CAST: variants seen among roughly 807,000 people sequenced by gnomAD.
CAST encodes calpastatin.
CAST carries 76 observed loss-of-function variants against 119.6 expected under a neutral mutation model. The observed-to-expected ratio is 0.64, with a 90% confidence interval of 0.53 to 0.77. The LOEUF (loss-of-function observed/expected upper bound fraction) is 0.77, where lower values mean the gene tolerates loss of function less well. Ranked by LOEUF, CAST falls within the 30% of genes least tolerant of loss-of-function variation. The pLI is 0.00. For synonymous variants in CAST, 319 were observed against 331.6 expected, an observed-to-expected ratio of 0.96 and a Z score of 0.41; for missense variants, 953 against 946.5, an observed-to-expected ratio of 1.01 and a Z score of -0.09.
chr5:96,197,640 G>A, the CAST span, among the ~76,000 whole-genome samples: 1 of 152,114 alleles, frequency 6.6e-6, no homozygotes, highest in Admixed American at 6.5e-5. Context: ...ATTGCTATGT[G>A]CCAAGCATTG....
At position 96,680,172 on chromosome 5, in the gene CAST, A is replaced by G. The variant is rs190290783; in HGVS notation, c.138+4571A>G. Among the ~76,000 whole-genome samples the G allele has an allele frequency of 9.2e-5, 14 of 151,370 alleles. No homozygotes were observed. In the East Asian group the frequency reaches 2.7e-3, roughly 29 times the overall value. On this transcript the variant is annotated intron_variant, in intron 2 of 31. Transcript: ENST00000675179. ...AAGACCAGCCTGGCCGATATGGTGA[A>G]ACCCCAACTCTACTAAAAATACAAA...
At chr5:96,449,534 G>A in the CAST span, among the ~76,000 whole-genome samples, 1 of 152,146 alleles carries the variant, frequency 6.6e-6, no homozygotes, top group Non-Finnish European at 1.5e-5. Flanking sequence ...ATTGGGAACC[G>A]CTGGTTTACA....
chr5:96,617,523 C>A (rs995070460), intron 1 of CAST, among the ~76,000 whole-genome samples: 2 of 152,010 alleles, frequency 1.3e-5, no homozygotes, highest in Non-Finnish European at 2.9e-5. Context: ...GGCACGGTGG[C>A]TCATGCCTGT....
At chr5:96,677,043 AAAAAGAAAAG>A (rs553788639) in intron 2 of CAST, among the ~76,000 whole-genome samples, 9 of 151,864 alleles carry the variant, frequency 5.9e-5, no homozygotes, top group Admixed American at 2.0e-4. Flanking sequence ...ACAAAAAAAA[AAAAAGAAAAG>A]AAAAGAAAAG....
At chr5:96,476,529 C>T in the CAST span, among the ~76,000 whole-genome samples, 2 of 152,164 alleles carry the variant, frequency 1.3e-5, no homozygotes, top group African/African-American at 4.8e-5. Context: ...AGAACAACAT[C>T]ACTCTTTGAC....
chr5:96,500,297 T>C, the CAST span, among the ~76,000 whole-genome samples: 5 of 152,230 alleles, frequency 3.3e-5, no homozygotes, highest in Non-Finnish European at 7.3e-5. Flanking sequence ...ATGCAATATC[T>C]GCGAAGCACA....
the CAST span, among the ~76,000 whole-genome samples, chr5:96,436,475 G>A: frequency 1.3e-5 from 2 of 152,168 alleles, no homozygotes; most frequent in East Asian, 3.9e-4. Flanking sequence ...GAAGTTTTAT[G>A]CTTAAAAAGG....
intron 1 of CAST, among the ~76,000 whole-genome samples, chr5:96,656,393 C>T (rs950860656): frequency 6.6e-6 from 1 of 152,148 alleles, no homozygotes; most frequent in African/African-American, 2.4e-5. Context: ...CTTTTGAGTG[C>T]AACTGGGCCT....
the CAST span, among the ~76,000 whole-genome samples, chr5:96,398,674 T>C: frequency 1.3e-5 from 2 of 152,160 alleles, no homozygotes; most frequent in African/African-American, 2.4e-5. Flanking sequence ...ATGGGCCTCA[T>C]TCTCTGCTTA....
the CAST span, among the ~76,000 whole-genome samples, chr5:96,505,353 G>A: frequency 1.3e-5 from 2 of 152,066 alleles, no homozygotes; most frequent in African/African-American, 4.8e-5. Context: ...GGTGGCGGGT[G>A]CCTGTAATCC....
chr5:96,282,547 G>T, the CAST span, among the ~76,000 whole-genome samples: 2 of 151,972 alleles, frequency 1.3e-5, no homozygotes, highest in Non-Finnish European at 2.9e-5. Flanking sequence ...TTTTATCCAA[G>T]TATCAATCAC....
the CAST span, among the ~76,000 whole-genome samples, chr5:96,030,334 A>C: frequency 2.0e-5 from 3 of 152,184 alleles, no homozygotes; most frequent in Admixed American, 6.6e-5. Context: ...ATAACTTTTA[A>C]ATGTGGACTT....
chr5:96,278,219 T>C, the CAST span, among the ~76,000 whole-genome samples: 1 of 152,122 alleles, frequency 6.6e-6, no homozygotes, highest in South Asian at 2.1e-4. Context: ...CCTTCCCTCA[T>C]CTGTGGGGGA....
At chr5:96,228,695 C>A in the CAST span, among the ~76,000 whole-genome samples, 1 of 152,072 alleles carries the variant, frequency 6.6e-6, no homozygotes, top group East Asian at 1.9e-4. Flanking sequence ...CAAGAGGTAA[C>A]CATTGTGAGT....
chr5:96,609,541 TTGTCC>T (rs1747322241), intron 1 of CAST, among the ~76,000 whole-genome samples: 1 of 152,230 alleles, frequency 6.6e-6, no homozygotes. Flanking sequence ...GCCAATGCTC[TTGTCC>T]TGGGCTGAAA....
the CAST span, among the ~76,000 whole-genome samples, chr5:96,470,348 A>G: frequency 6.6e-6 from 1 of 152,022 alleles, no homozygotes; most frequent in African/African-American, 2.4e-5. Flanking sequence ...AATATTGCCA[A>G]TGCACATATG....
chr5:95,971,245 C>A, the CAST span, among the ~76,000 whole-genome samples: 7 of 152,006 alleles, frequency 4.6e-5, no homozygotes, highest in Non-Finnish European at 8.8e-5. Flanking sequence ...AAGTTTGTAT[C>A]TTGTGTTTTT....
intron 1 of CAST, among the ~76,000 whole-genome samples, chr5:96,610,531 A>G (rs751918647): frequency 6.6e-6 from 1 of 152,224 alleles, no homozygotes; most frequent in Non-Finnish European, 1.5e-5. Context: ...AAATAACAAC[A>G]GCCATCTTCA....
chr5:96,492,633 C>T, the CAST span, among the ~76,000 whole-genome samples: 51 of 152,244 alleles, frequency 3.3e-4, no homozygotes, highest in Admixed American at 7.2e-4. Flanking sequence ...TAAATATGAT[C>T]GGGATTTCCT....
Sources: allele counts gnomAD v4.1 joint callset (sites outside exome capture counted in the v4.1 genomes callset), GRCh38; gene constraint gnomAD v4.1.1; transcripts MANE v1.5; gene names NCBI Gene and HGNC (gene_info 2026-07-23, HGNC 2026-07-21).